Variants in CACNB4 observed in about 807,000 individuals in gnomAD.
The protein encoded by CACNB4 is voltage-dependent L-type calcium channel subunit beta-4.
CACNB4 carries 32 observed loss-of-function variants against 71.2 expected under a neutral mutation model. The ratio of observed to expected loss-of-function variants is 0.45; its 90% confidence interval spans 0.34 to 0.60. CACNB4 has a LOEUF of 0.60. Among genes scored for constraint, CACNB4 ranks in the 20% least tolerant of loss-of-function variants. CACNB4 has a pLI of 0.01. For missense variants in CACNB4, 464 were observed against 647.9 expected (o/e 0.72, Z 3.08); for synonymous variants, 231 against 236.9 (o/e 0.97, Z 0.23).
At position 151,909,486 on chromosome 2, in the gene CACNB4, A is replaced by G. The variant is rs572535362; in HGVS notation, c.148-26116T>C. ...AACAAAAAATGGGATACAAGTGCAG[A>G]TTATGCAGGTTCGTTACACAGGTAT... On this transcript the variant is annotated intron_variant, in intron 2 of 13. Transcript: ENST00000539935. Among the ~76,000 whole-genome samples the G allele has an allele frequency of 4.6e-5, 7 of 150,608 alleles. 1 individual carries two copies. Among genetic ancestry groups the G allele is most frequent in the Admixed American group, 1.3e-4 (2 of 15,080 alleles).
At chr2:152,010,340 G>A (rs1411324497) in intron 2 of CACNB4, among the ~76,000 whole-genome samples, 6 of 152,156 alleles carry the variant, frequency 3.9e-5, no homozygotes, top group African/African-American at 1.4e-4. Flanking sequence ...TGGAATACTT[G>A]CTACACTGGC....
rs2099844883 is a variant in CACNB4, at chr2:151,872,477, A to G, written c.538T>C (p.Ser180Pro). The G allele has an allele frequency of 2.5e-6, 4 of 1,593,534 alleles. No homozygotes were observed. The highest frequency in any genetic ancestry group is 3.4e-6 in the Non-Finnish European group (4 of 1,163,212). Residue 180 changes from serine to proline, a missense_variant, in exon 6 of 14, where the codon TCT becomes CCT. This residue lies in a region of CACNB4 where 299 missense variants were observed against 471.7 expected (regional missense o/e 0.63). Coordinates refer to ENST00000539935, the MANE Select transcript of CACNB4 (RefSeq NM_000726.5). ...ACCATTTCTCCAAGACTTGAAGAAG[A>G]ATTTCCACTTGATTTCCTAGGATAT... ...RFHGGKSSGN[S>P]SSSLGEMVSG...
rs2099835072 is a variant in CACNB4 at position 151,837,209 on chromosome 2, T to C, written c.*1910A>G. 4 of 151,944 alleles carry C rather than the reference T, an allele frequency of 2.6e-5. No individual in the cohort carries two copies. The highest frequency in any genetic ancestry group is 2.0e-4 in the Admixed American group (3 of 15,246). The allele number at this position is 151,944 out of a possible 1,614,324, so 9.4% of individuals were successfully genotyped here. On this transcript the variant is annotated 3_prime_UTR_variant, in exon 14 of 14. Coordinates refer to ENST00000539935, the MANE Select transcript of CACNB4 (RefSeq NM_000726.5). ...AAGAATCTCACAAGCCAGTATCACA[T>C]GTTAACTTTTAAAATTTACTAAGCC...
At position 151,875,983 on chromosome 2, in the gene CACNB4, C is replaced by T. The variant is rs1234476130; in HGVS notation, c.521+443G>A. Among the ~76,000 whole-genome samples, 8 of 142,582 alleles carry T rather than the reference C, an allele frequency of 5.6e-5. 1 individual carries two copies. Among genetic ancestry groups the T allele is most frequent in the African/African-American group, 1.6e-4 (6 of 38,602 alleles). 93.5% of individuals were successfully genotyped at this position (142,582 alleles called of 152,430 possible). A position where few individuals can be genotyped will look rare whatever the true frequency, so the allele number is the denominator to read the frequency against. On this transcript the variant is annotated intron_variant, in intron 5 of 13. Coordinates refer to ENST00000539935, the MANE Select transcript of CACNB4 (RefSeq NM_000726.5). ...TGGCCGGGCGGGGGGCTGACTCCCCCACCTCCCTCCCGGACGGGGCGGCTG... is the reference window on the plus strand; with the variant it reads ...TGGCCGGGCGGGGGGCTGACTCCCCTACCTCCCTCCCGGACGGGGCGGCTG...
chr2:151,901,633 T>C (rs905338674), intron 2 of CACNB4, among the ~76,000 whole-genome samples: 2 of 152,158 alleles, frequency 1.3e-5, no homozygotes, highest in African/African-American at 4.8e-5. Context: ...TTTTTAAAAA[T>C]GTGCATTCCG....
chr2:151,861,840 C>G (rs2099841737), intron 9 of CACNB4: 1 of 65,678 alleles, frequency 1.5e-5, no homozygotes, highest in Non-Finnish European at 2.3e-5. Flanking sequence ...GAGACCCTGT[C>G]TCAAAAAAAA....
intron 2 of CACNB4, among the ~76,000 whole-genome samples, chr2:151,937,447 G>A (rs2099863191): frequency 6.6e-6 from 1 of 152,202 alleles, no homozygotes; most frequent in Non-Finnish European, 1.5e-5. Flanking sequence ...GATAAAGGGA[G>A]GGATCTGAGA....
intron 2 of CACNB4, among the ~76,000 whole-genome samples, chr2:152,010,921 G>A (rs948079833): frequency 1.3e-5 from 2 of 152,188 alleles, no homozygotes; most frequent in African/African-American, 4.8e-5. Context: ...GATGGTGAGG[G>A]AGAAAACGTG....
At chr2:151,897,466 A>G (rs1321782725) in intron 2 of CACNB4, among the ~76,000 whole-genome samples, 2 of 152,246 alleles carry the variant, frequency 1.3e-5, no homozygotes, top group African/African-American at 4.8e-5. Flanking sequence ...AAGGCGGTCA[A>G]AGAGAGAAGC....
intron 11 of CACNB4, chr2:151,853,928 T>C (rs1427729437): frequency 6.4e-6 from 1 of 155,186 alleles, no homozygotes; most frequent in Non-Finnish European, 1.4e-5. Flanking sequence ...GTCAGATAAA[T>C]GTCAGAGTCA....
intron 2 of CACNB4, among the ~76,000 whole-genome samples, chr2:151,916,833 A>G (rs559896345): frequency 2.0e-5 from 3 of 152,212 alleles, no homozygotes; most frequent in African/African-American, 4.8e-5. Context: ...CATTCTCACA[A>G]TTGGGAGGAG....
At chr2:152,077,631 G>A (rs1279739506) in intron 2 of CACNB4, among the ~76,000 whole-genome samples, 1 of 152,002 alleles carries the variant, frequency 6.6e-6, no homozygotes, top group African/African-American at 2.4e-5. Context: ...TCGGGAGGCT[G>A]GAGGCAGGAG....
intron 12 of CACNB4, chr2:151,851,010 G>C (rs1251970041): frequency 6.6e-6 from 1 of 152,088 alleles, no homozygotes; most frequent in African/African-American, 2.4e-5. Context: ...TCCAAAAACT[G>C]TTGCCTTTCA....
intron 2 of CACNB4, among the ~76,000 whole-genome samples, chr2:152,013,234 C>A (rs1306106309): frequency 6.6e-6 from 1 of 152,070 alleles, no homozygotes; most frequent in East Asian, 1.9e-4. Context: ...AGAACGTCTC[C>A]CCATCACTAA....
chr2:151,874,322 G>A (rs2099845390), intron 5 of CACNB4, among the ~76,000 whole-genome samples: 1 of 151,998 alleles, frequency 6.6e-6, no homozygotes, highest in Admixed American at 6.5e-5. Flanking sequence ...ACAAAAATTA[G>A]CCAGGCACGA....
intron 2 of CACNB4, among the ~76,000 whole-genome samples, chr2:151,886,184 T>G (rs1383379799): frequency 6.6e-6 from 1 of 152,108 alleles, no homozygotes; most frequent in Non-Finnish European, 1.5e-5. Flanking sequence ...AAATGGGATG[T>G]GTGATGGACC....
intron 10 of CACNB4, among the ~76,000 whole-genome samples, chr2:151,856,168 G>A (rs2099840263): frequency 6.9e-6 from 1 of 144,740 alleles, no homozygotes; most frequent in African/African-American, 2.6e-5. Context: ...TTTTTTTTAA[G>A]GAAAACAGAT....
intron 2 of CACNB4, among the ~76,000 whole-genome samples, chr2:152,021,312 A>C (rs1683654880): frequency 6.6e-6 from 1 of 152,190 alleles, no homozygotes; most frequent in African/African-American, 2.4e-5. Context: ...TCTCTACCTT[A>C]TATTTAAGCA....
intron 2 of CACNB4, among the ~76,000 whole-genome samples, chr2:152,001,629 C>T (rs1321908362): frequency 1.3e-5 from 2 of 148,246 alleles, no homozygotes; most frequent in Non-Finnish European, 3.0e-5. Context: ...AGGAGAATCG[C>T]TTGAACCTGG....
Sources: gnomAD v4.1 joint callset for allele counts (sites outside exome capture counted in the v4.1 genomes callset) on GRCh38, gnomAD v4.1.1 for gene constraint, gnomAD v4.1.1 regional missense constraint, MANE v1.5 for transcripts, NCBI Gene and HGNC (gene_info 2026-07-23, HGNC 2026-07-21) for gene names.